Variants in FHIT observed in about 807,000 individuals in gnomAD.
FHIT encodes the protein fragile histidine triad diadenosine triphosphatase, also known as bis(5'-adenosyl)-triphosphatase.
A neutral mutation model predicts 17.9 loss-of-function variants in FHIT; 19 were observed. The ratio of observed to expected loss-of-function variants is 1.06; its 90% confidence interval spans 0.74 to 1.56. FHIT has a LOEUF of 1.56. FHIT is among the 40% of genes most tolerant of loss of function. The pLI, the probability that FHIT is intolerant of heterozygous loss-of-function variation, is 0.00. For missense variants in FHIT, 248 were observed against 189.2 expected (o/e 1.31, Z -1.82); for synonymous variants, 81 against 69.7 (o/e 1.16, Z -0.81).
intron 4 of FHIT, among the ~76,000 whole-genome samples, chr3:60,554,536 G>A (rs1398930830): frequency 6.6e-6 from 1 of 152,186 alleles, no homozygotes; most frequent in Admixed American, 6.5e-5. Context: ...TCAAAAGCTT[G>A]TATGGTAAAT....
intron 5 of FHIT, among the ~76,000 whole-genome samples, chr3:60,484,520 T>C (rs1373298792): frequency 6.6e-6 from 1 of 152,106 alleles, no homozygotes; most frequent in African/African-American, 2.4e-5. Context: ...AAACCACTCA[T>C]CTATAACCAT....
At chr3:60,383,985 T>C (rs535423356) in intron 5 of FHIT, among the ~76,000 whole-genome samples, 3 of 152,264 alleles carry the variant, frequency 2.0e-5, no homozygotes, top group African/African-American at 4.8e-5. Context: ...TTTTTGGAGA[T>C]AGGACAGGCG....
intron 4 of FHIT, among the ~76,000 whole-genome samples, chr3:60,615,151 G>A (rs1356429669): frequency 5.9e-5 from 9 of 152,080 alleles, no homozygotes; most frequent in Admixed American, 5.9e-4. Context: ...TGTTACCTTG[G>A]ATTAACAGGG....
intron 3 of FHIT, among the ~76,000 whole-genome samples, chr3:60,980,902 T>G (rs1288777853): frequency 1.3e-5 from 2 of 152,208 alleles, no homozygotes; most frequent in Non-Finnish European, 2.9e-5. Context: ...GAGGTCACAT[T>G]AACACCTCAC....
At chr3:59,908,966 C>A (rs138235079) in intron 8 of FHIT, among the ~76,000 whole-genome samples, 1 of 151,900 alleles carries the variant, frequency 6.6e-6, no homozygotes. Context: ...CAAGACAAAA[C>A]AAATGGGAAT....
At chr3:61,225,958 A>G (rs747187936) in intron 1 of FHIT, among the ~76,000 whole-genome samples, 25 of 152,302 alleles carry the variant, frequency 1.6e-4, no homozygotes, top group Non-Finnish European at 8.8e-5. Context: ...AGCTTATAAA[A>G]TATTAACTAT....
At chr3:59,896,476 G>A (rs985327311) in intron 8 of FHIT, among the ~76,000 whole-genome samples, 3 of 152,130 alleles carry the variant, frequency 2.0e-5, no homozygotes, top group African/African-American at 4.8e-5. Flanking sequence ...ATAGAGGGTA[G>A]TTAGTGTTCA....
chr3:59,777,627 C>T (rs760774772), intron 8 of FHIT, among the ~76,000 whole-genome samples: 1 of 152,182 alleles, frequency 6.6e-6, no homozygotes, highest in Non-Finnish European at 1.5e-5. Flanking sequence ...TTTTACCTCT[C>T]TTTAATCCAG....
chr3:59,770,614 G>C (rs147884250), intron 8 of FHIT, among the ~76,000 whole-genome samples: 64 of 152,284 alleles, frequency 4.2e-4, no homozygotes, highest in African/African-American at 1.5e-3. Context: ...TTCACCTCGG[G>C]CTTGTAGTTG....
intron 3 of FHIT, among the ~76,000 whole-genome samples, chr3:60,961,575 G>A (rs1168905386): frequency 6.6e-6 from 1 of 152,168 alleles, no homozygotes; most frequent in Non-Finnish European, 1.5e-5. Flanking sequence ...TAACATTTAA[G>A]TCTTTAATCC....
At chr3:60,720,024 C>T (rs2041774620) in intron 4 of FHIT, among the ~76,000 whole-genome samples, 1 of 152,156 alleles carries the variant, frequency 6.6e-6, no homozygotes, top group African/African-American at 2.4e-5. Context: ...CATGAGCTCT[C>T]AAAATAAAGG....
intron 7 of FHIT, among the ~76,000 whole-genome samples, chr3:59,988,560 T>C (rs1035063452): frequency 6.6e-6 from 1 of 152,104 alleles, no homozygotes; most frequent in African/African-American, 2.4e-5. Context: ...TTTTCTGAGT[T>C]CTTTCTGTGT....
chr3:61,201,768 A>G (rs1303096994), intron 1 of FHIT, among the ~76,000 whole-genome samples: 3 of 152,124 alleles, frequency 2.0e-5, no homozygotes, highest in Non-Finnish European at 2.9e-5. Flanking sequence ...CCGTTTACCA[A>G]TGAGTTTAGA....
intron 4 of FHIT, among the ~76,000 whole-genome samples, chr3:60,633,039 G>A (rs373192281): frequency 1.2e-4 from 19 of 152,140 alleles, no homozygotes; most frequent in African/African-American, 4.3e-4. Context: ...ACCATGCTGT[G>A]GACATTTTAC....
At chr3:60,634,068 C>T (rs1223247101) in intron 4 of FHIT, among the ~76,000 whole-genome samples, 1 of 152,186 alleles carries the variant, frequency 6.6e-6, no homozygotes, top group African/African-American at 2.4e-5. Flanking sequence ...GCCTGTTTCA[C>T]GTTTGTGGGT....
intron 3 of FHIT, among the ~76,000 whole-genome samples, chr3:60,880,833 C>A (rs1257179799): frequency 6.6e-6 from 1 of 152,006 alleles, no homozygotes; most frequent in Non-Finnish European, 1.5e-5. Context: ...CAGAAAATCA[C>A]TAAACCACAA....
rs368806521 is a variant in FHIT, at chr3:60,275,160, ATTTTCATTACTG to A, written c.104-261020_104-261009del. Among the ~76,000 whole-genome samples, 958 of 150,680 alleles carry A rather than the reference ATTTTCATTACTG, an allele frequency of 6.4e-3. 10 individuals carry two copies. The highest frequency in any genetic ancestry group is 0.022 in the African/African-American group (910 of 40,990). On this transcript the variant is annotated intron_variant, in intron 5 of 9. Transcript: ENST00000492590. ...TTGTGAAAATTTTGGAACTAGGCAT[ATTTTCATTACTG>A]TTTTCATTATTACTGACAACTTGGC... is the stretch of plus-strand genomic sequence containing the variant.
At chr3:60,382,235 T>C (rs531654297) in intron 5 of FHIT, among the ~76,000 whole-genome samples, 70 of 152,318 alleles carry the variant, frequency 4.6e-4, no homozygotes, top group Non-Finnish European at 8.5e-4. Context: ...CTTGCGGACA[T>C]AGAATTGCGG....
chr3:60,701,703 A>C (rs2041251732), intron 4 of FHIT, among the ~76,000 whole-genome samples: 1 of 152,172 alleles, frequency 6.6e-6, no homozygotes, highest in South Asian at 2.1e-4. Flanking sequence ...GCGATTTGGG[A>C]GGTTTAGAAT....
Sources: allele counts gnomAD v4.1 joint callset (sites outside exome capture counted in the v4.1 genomes callset), GRCh38; gene constraint gnomAD v4.1.1; transcripts MANE v1.5; gene names NCBI Gene and HGNC (gene_info 2026-07-23, HGNC 2026-07-21).